The following ATP7B variants were observed in gnomAD, a reference collection of about 807,000 sequenced individuals.
ATP7B encodes ATPase copper transporting beta.
Under a neutral mutation model 118.9 loss-of-function variants are expected in ATP7B, and 113 were observed. That is an observed-to-expected ratio of 0.95 (90% CI 0.82 to 1.11). The LOEUF (loss-of-function observed/expected upper bound fraction) is 1.11. Ranked by LOEUF, ATP7B falls within the 50% of genes most tolerant of loss-of-function variation. ATP7B has a pLI of 0.00. For missense variants in ATP7B, 1,867 were observed against 1,871.4 expected, an observed-to-expected ratio of 1.00 and a Z score of 0.04; for synonymous variants, 777 against 727.4, an observed-to-expected ratio of 1.07 and a Z score of -1.10.
chr13:51,950,521 T>G, intron 9 of ATP7B, 122 bp from the exon 10 acceptor site: 1 of 1,417,528 alleles, frequency 7.1e-7, no homozygotes, highest in Non-Finnish European at 9.8e-7. Context: ...ATTCATTTGA[T>G]CTGTTCATTT....
intron 4 of ATP7B, among the ~76,000 whole-genome samples, 162 bp downstream of exon 4, chr13:51,968,282 T>C (rs1951665598): frequency 6.6e-6 from 1 of 152,194 alleles, no homozygotes; most frequent in South Asian, 2.1e-4. Context: ...AATGAACAAG[T>C]CATTGTTGTC....
At chr13:51,942,697 G>A in intron 14 of ATP7B, 143 bp from the exon 15 acceptor site, 2 of 960,190 alleles carry the variant, frequency 2.1e-6, no homozygotes, top group Non-Finnish European at 3.2e-6. Flanking sequence ...AGGGGAGGGA[G>A]GTGGAACAGA....
chr13:51,935,391 C>T (rs1056421919), intron 20 of ATP7B, among the ~76,000 whole-genome samples: 2 of 152,200 alleles, frequency 1.3e-5, no homozygotes, highest in African/African-American at 4.8e-5. Flanking sequence ...CAGCCCAGCA[C>T]GTGAATGGGC....
Position 51,975,129 on chromosome 13 carries a change from G to C in ATP7B, c.91C>G (p.Pro31Ala), listed in dbSNP as rs771981995. The C allele has an allele frequency of 6.2e-7, 1 of 1,614,232 alleles. No homozygotes were observed. The highest frequency in any genetic ancestry group is 1.1e-5 in the South Asian group (1 of 91,078). Reference protein sequence around the residue: ...KLSLPTRAWEPAMKKSFAFDN... With the variant: ...KLSLPTRAWEAAMKKSFAFDN... The stretch of plus-strand genomic sequence containing the variant: ...AAAGCAAAACTCTTCTTCATTGCTG[G>C]TTCCCAGGCACGGGTAGGCAAAGAA... The change falls in exon 2 of 21, where the codon CCA becomes GCA. Residue 31 changes from proline to alanine, a missense_variant. Physicochemically the swap from Pro to Ala is conservative, Grantham distance 27. Coordinates refer to ENST00000242839, the MANE Select transcript of ATP7B (RefSeq NM_000053.4).
rs145677804 is a variant in ATP7B at position 51,951,327 on chromosome 13, G to A, written c.2448-928C>T. Reference sequence around the variant, plus strand: ...TGGGTGGATAGAGAAACCATTTAATGAGATGGAGATGATTATGGAGAAGCA... The same window carrying A: ...TGGGTGGATAGAGAAACCATTTAATAAGATGGAGATGATTATGGAGAAGCA... On this transcript the variant is annotated intron_variant, in intron 9 of 20. Coordinates refer to ENST00000242839, the MANE Select transcript of ATP7B (RefSeq NM_000053.4). Among the ~76,000 whole-genome samples the A allele has an allele frequency of 5.2e-3, 784 of 152,222 alleles. 4 individuals are homozygous for A. The highest frequency in any genetic ancestry group is 0.026 in the South Asian group (125 of 4,818).
At chr13:51,969,276 G>C (rs535177015) in intron 3 of ATP7B, among the ~76,000 whole-genome samples, 9 of 151,644 alleles carry the variant, frequency 5.9e-5, no homozygotes, top group African/African-American at 2.2e-4. Context: ...CTGACTAGTC[G>C]GTCTAGGATG....
At chr13:51,958,615 G>C in intron 7 of ATP7B, 71 bp from the exon 8 acceptor site, 1 of 1,384,896 alleles carries the variant, frequency 7.2e-7, no homozygotes, top group Admixed American at 1.8e-5. Flanking sequence ...CAGGGCCAAG[G>C]GCCCTGGGGA....
chr13:51,974,611 G>C lies in ATP7B; in HGVS notation c.609C>G (p.Asp203Glu). 2.5e-6 allele frequency: 4 copies of C among 1,613,704 alleles called. No homozygotes were observed. Among genetic ancestry groups the C allele is most frequent in the Non-Finnish European group, 3.4e-6 (4 of 1,179,796 alleles). ...QPEDLRDHVNDMGFEAAIKSK... is the reference protein window; with the variant it reads ...QPEDLRDHVNEMGFEAAIKSK... The stretch of plus-strand genomic sequence containing the variant: ...TCTTGATGGCAGCTTCAAATCCCAT[G>C]TCATTTACATGGTCCCTGAGGTCTT... The change falls in exon 2 of 21, where the codon GAC (aspartate) becomes GAG (glutamate). Residue 203 changes from aspartate (D) to glutamate (E), a missense_variant. Asp to Glu is a conservative substitution (Grantham distance 45, BLOSUM62 2). Coordinates refer to ENST00000242839, the MANE Select transcript of ATP7B (RefSeq NM_000053.4).
chr13:51,972,913 C>T (rs986643775), intron 2 of ATP7B, among the ~76,000 whole-genome samples: 1 of 152,196 alleles, frequency 6.6e-6, no homozygotes, highest in Non-Finnish European at 1.5e-5. Flanking sequence ...GGCTGAGGTG[C>T]GAGGATCACC....
At position 51,974,140 on chromosome 13, in the gene ATP7B, G is replaced by A; in HGVS notation, c.1080C>T (p.Thr360=). The A allele has an allele frequency of 6.2e-7, 1 of 1,614,044 alleles. No homozygotes were observed. The highest frequency in any genetic ancestry group is 8.5e-7 in the Non-Finnish European group (1 of 1,180,010). The change falls in exon 2 of 21, where the codon ACC becomes ACT. Residue 360 remains threonine (T), a synonymous_variant. Transcript: ENST00000242839. ...PRNQVQGTCS[T]TLIAIAGMTC... The stretch of plus-strand genomic sequence containing the variant: ...TCATGCCGGCAATGGCAATCAGAGT[G>A]GTACTGCATGTGCCCTGGACCTGGT...
rs760521655 is a variant in ATP7B at position 51,970,574 on chromosome 13, CGGT to C, written c.1458_1460del (p.Pro487del). 2.5e-6 allele frequency: 4 copies of C among 1,614,142 alleles called. No individual in the cohort carries two copies. Among genetic ancestry groups the C allele is most frequent in the Non-Finnish European group, 3.4e-6 (4 of 1,180,022 alleles). ...CTTTGATCTGTAAGAAGCACTTCTG[CGGT>C]GCCACTGCTCTGGTTGATTGTGGGG... is the stretch of plus-strand genomic sequence containing the variant. On this transcript the variant is annotated inframe_deletion, in exon 3 of 21. Transcript: ENST00000242839.
At chr13:51,977,230 A>AT (rs1593799697) in intron 1 of ATP7B, among the ~76,000 whole-genome samples, 2 of 18,666 alleles carry the variant, frequency 1.1e-4, no homozygotes, top group East Asian at 4.2e-3. Context: ...ATAAACGTTT[A>AT]ATTTTTTTTT....
At position 51,974,005 on chromosome 13, in the gene ATP7B, G is replaced by A. The variant is rs201020290; in HGVS notation, c.1215C>T (p.Pro405=). The change falls in exon 2 of 21, where the codon CCC becomes CCT. Residue 405 remains proline (P), a synonymous_variant. Transcript: ENST00000242839. ...TGAGTTCTTCTGGGCTAATTACAGA[G>A]GGATTATAAAGAACTGTTGCAGTCC... The part of the protein sequence containing the change: ...AEGTATVLYN[P]SVISPEELRA... 7.4e-6 allele frequency: 12 copies of A among 1,614,116 alleles called. No individual in the cohort carries two copies. The highest frequency in any genetic ancestry group is 2.2e-5 in the East Asian group (1 of 44,902).
chr13:51,985,985 A>T (rs918555062), intron 1 of ATP7B, among the ~76,000 whole-genome samples: 1 of 152,192 alleles, frequency 6.6e-6, no homozygotes, highest in Non-Finnish European at 1.5e-5. Flanking sequence ...TCAACACCCT[A>T]ACACCACAAT....
intron 13 of ATP7B, among the ~76,000 whole-genome samples, chr13:51,944,741 G>C (rs1957543840): frequency 1.3e-5 from 2 of 152,192 alleles, no homozygotes; most frequent in South Asian, 4.1e-4. Context: ...CTCACACTCT[G>C]AGTTCAAGAA....
chr13:51,962,570 G>T (rs772755615), intron 5 of ATP7B, among the ~76,000 whole-genome samples: 1 of 152,178 alleles, frequency 6.6e-6, no homozygotes, highest in African/African-American at 2.4e-5. Flanking sequence ...TCTGGTGCTG[G>T]GACTTTTACA....
intron 9 of ATP7B, among the ~76,000 whole-genome samples, chr13:51,950,813 A>C (rs1236009494): frequency 6.6e-6 from 1 of 152,178 alleles, no homozygotes; most frequent in Admixed American, 6.5e-5. Flanking sequence ...CTGCATGCCA[A>C]GAAGGTCCAA....
chr13:51,960,323 C>T lies in ATP7B; in HGVS notation c.1947-1G>A. On this transcript the variant is annotated splice_acceptor_variant, in intron 6 of 20. Transcript: ENST00000242839. LOFTEE classifies it high-confidence loss of function. ...GCTGCACAGGAAAGACTTCTTCCACCTGGAAAGCAAATGCAGCAACACAGA... is the reference window on the plus strand; with the variant it reads ...GCTGCACAGGAAAGACTTCTTCCACTTGGAAAGCAAATGCAGCAACACAGA... 1 of 1,612,902 alleles carries T rather than the reference C, an allele frequency of 6.2e-7. No individual in the cohort carries two copies. The highest frequency in any genetic ancestry group is 1.3e-5 in the African/African-American group (1 of 75,012).
At chr13:51,965,497 C>T (rs1951502073) in intron 4 of ATP7B, among the ~76,000 whole-genome samples, 1 of 152,198 alleles carries the variant, frequency 6.6e-6, no homozygotes, top group South Asian at 2.1e-4. Context: ...TATTTTAGTG[C>T]TCTGCTGGCT....
Sources: allele counts gnomAD v4.1 joint callset (sites outside exome capture counted in the v4.1 genomes callset), GRCh38; gene constraint gnomAD v4.1.1; transcripts MANE v1.5; gene names NCBI Gene and HGNC (gene_info 2026-07-23, HGNC 2026-07-21).